Variants in HSD17B4 observed in about 807,000 individuals in gnomAD.
HSD17B4 encodes the protein hydroxysteroid 17-beta dehydrogenase 4.
HSD17B4 carries 70 observed loss-of-function variants against 101.0 expected under a neutral mutation model. That is an observed-to-expected ratio of 0.69 (90% CI 0.57 to 0.85). The LOEUF is 0.85. HSD17B4 is among the 40% of genes least tolerant of loss of function. The pLI, the probability that HSD17B4 is intolerant of heterozygous loss-of-function variation, is 0.00. For missense variants in HSD17B4, 984 were observed against 892.4 expected, an observed-to-expected ratio of 1.10 and a Z score of -1.31; for synonymous variants, 347 against 297.1, an observed-to-expected ratio of 1.17 and a Z score of -1.73.
intron 19 of HSD17B4, among the ~76,000 whole-genome samples, chr5:119,526,787 T>G (rs1045977597): frequency 2.0e-5 from 3 of 151,968 alleles, no homozygotes; most frequent in African/African-American, 7.2e-5. Flanking sequence ...GCCTCATTCC[T>G]TAGACTTAAT....
In HSD17B4 at chr5:119,509,241, C is replaced by A; in HGVS notation, c.1434C>A (p.Val478=). The A allele has an allele frequency of 6.4e-7, 1 of 1,570,358 alleles. No individual in the cohort carries two copies. Among genetic ancestry groups the A allele is most frequent in the South Asian group, 1.1e-5 (1 of 90,220 alleles). ...GTGGAAAACGGACATCAGACAAAGT[C>A]AAGGTAAGCCATGACTTTGTAAGCA... ...GFGGKRTSDK[V]KVAVAIPNRP... is the part of the protein sequence containing the mutation. The change falls in exon 16 of 24, where the codon GTC becomes GTA. Residue 478 remains valine (V), a synonymous_variant. Coordinates refer to ENST00000510025, the MANE Select transcript of HSD17B4 (RefSeq NM_000414.4).
At chr5:119,454,556 T>G (rs749420302) in intron 1 of HSD17B4, among the ~76,000 whole-genome samples, 59 of 152,172 alleles carry the variant, frequency 3.9e-4, no homozygotes, top group Non-Finnish European at 6.2e-4. Context: ...TCCTTCTGCT[T>G]GGATTAAATT....
At chr5:119,477,631 A>C in intron 7 of HSD17B4, 130 bp downstream of exon 7, 1 of 747,946 alleles carries the variant, frequency 1.3e-6, no homozygotes. Flanking sequence ...ACCTTTTAAC[A>C]TATGGTTTTG....
rs1356373821 is a variant in HSD17B4 at position 119,506,667 on chromosome 5, C to T, written c.1262-151C>T. 9.6e-6 allele frequency: 5 copies of T among 521,880 alleles called. No homozygotes were observed. In the African/African-American group the frequency reaches 9.8e-5, roughly 10 times the overall value. The allele number at this position is 521,880 out of a possible 1,614,324, so 32.3% of individuals were successfully genotyped here. The stretch of plus-strand genomic sequence containing the variant: ...AAGCGTTCTTATTTCTCCACATCCT[C>T]TGCAGCATCTGTTGTTCAGGAACAC... On this transcript the variant is annotated intron_variant, in intron 14 of 23. Transcript: ENST00000510025.
chr5:119,471,709 C>CT (rs1561437913), intron 2 of HSD17B4: 1 of 1,385,884 alleles, frequency 7.2e-7, no homozygotes, highest in East Asian at 2.5e-5. Flanking sequence ...AAGTAATTCT[C>CT]TTAAGTTCTG....
chr5:119,497,148 C>G (rs1750720839), intron 12 of HSD17B4, among the ~76,000 whole-genome samples: 1 of 152,118 alleles, frequency 6.6e-6, no homozygotes, highest in Non-Finnish European at 1.5e-5. Context: ...CTGCTGAAAG[C>G]TTATCATGAA....
At chr5:119,483,976 A>G (rs1749377941) in intron 8 of HSD17B4, among the ~76,000 whole-genome samples, 1 of 152,200 alleles carries the variant, frequency 6.6e-6, no homozygotes, top group African/African-American at 2.4e-5. Flanking sequence ...GATCCAAACA[A>G]GGTCCACAGA....
intron 8 of HSD17B4, among the ~76,000 whole-genome samples, chr5:119,484,375 C>T (rs919794746): frequency 2.3e-4 from 35 of 152,218 alleles, no homozygotes; most frequent in Admixed American, 2.3e-3. Flanking sequence ...ATCTGTGTGC[C>T]TGTCCTTTCA....
At position 119,476,477 on chromosome 5, in the gene HSD17B4, CAG is replaced by C. The variant is rs1010791219; in HGVS notation, c.349+610_349+611del. 15 of 754,152 alleles carry C rather than the reference CAG, an allele frequency of 2.0e-5. No individual in the cohort carries two copies. The African/African-American group carries it at 2.5e-4, about 12-fold the overall frequency. The allele number at this position is 754,152 out of a possible 1,614,324, so 46.7% of individuals were successfully genotyped here. ...CTAAAATGAACAGTGGTGGCTGAGACAGAGGGAAGCATGGCAACTGAGGTGAA... is the reference window on the plus strand; with the variant it reads ...CTAAAATGAACAGTGGTGGCTGAGACAGGGAAGCATGGCAACTGAGGTGAA... On this transcript the variant is annotated intron_variant, in intron 6 of 23. Coordinates refer to ENST00000510025, the MANE Select transcript of HSD17B4 (RefSeq NM_000414.4).
rs999477568 is a variant in HSD17B4, at chr5:119,466,652, C to A, written c.113-7256C>A. Among the ~76,000 whole-genome samples, 6 of 151,840 alleles carry A rather than the reference C, an allele frequency of 4.0e-5. No homozygotes were observed. The East Asian group carries it at 9.7e-4, about 24-fold the overall frequency. ...GTATCAGTTGTAAATGCCTTTTTTT[C>A]ATTTCTGATTTTATTTGTGTTTTCT... On this transcript the variant is annotated intron_variant, in intron 2 of 23. Transcript: ENST00000510025.
chr5:119,484,367 C>A (rs1411006440), intron 8 of HSD17B4, among the ~76,000 whole-genome samples: 3 of 152,158 alleles, frequency 2.0e-5, no homozygotes, highest in Non-Finnish European at 4.4e-5. Flanking sequence ...TTCCATTGAT[C>A]TGTGTGCCTG....
Position 119,489,264 on chromosome 5 carries a change from A to G in HSD17B4, c.695A>G (p.Glu232Gly). The change falls in exon 9 of 24, where the codon GAG becomes GGG. Residue 232 changes from glutamate (E) to glycine (G), a missense_variant. Glu to Gly is a moderately conservative substitution (Grantham distance 98). Coordinates refer to ENST00000510025, the MANE Select transcript of HSD17B4 (RefSeq NM_000414.4). ...TGGCTTTGTCACGAGAGTTGTGAGG[A>G]GAATGGTGGCTTGTTTGAGGTATTT... ...VLWLCHESCE[E>G]NGGLFEVGAG... 6.2e-7 allele frequency: 1 copy of G among 1,611,922 alleles called. No homozygotes were observed. The highest frequency in any genetic ancestry group is 8.5e-7 in the Non-Finnish European group (1 of 1,178,316).
At chr5:119,487,897 C>A (rs1169091783) in intron 8 of HSD17B4, among the ~76,000 whole-genome samples, 1 of 151,900 alleles carries the variant, frequency 6.6e-6, no homozygotes, top group Non-Finnish European at 1.5e-5. Context: ...TTTGTTTTTT[C>A]CTCGTGCATA....
intron 18 of HSD17B4, 171 bp from the exon 19 acceptor site, chr5:119,525,746 A>G: frequency 1.8e-6 from 1 of 567,132 alleles, no homozygotes; most frequent in Non-Finnish European, 3.1e-6. Context: ...TTATTTCATA[A>G]TTTCCTCCCA....
chr5:119,492,663 A>C (rs1750219492), intron 10 of HSD17B4: 1 of 152,284 alleles, frequency 6.6e-6, no homozygotes, highest in African/African-American at 2.4e-5. Flanking sequence ...ATTCCGCTTT[A>C]GCCCAATAGT....
rs32662 is a variant in HSD17B4 at position 119,508,791 on chromosome 5, C to T, written c.1334-350C>T. 0.44 allele frequency among the ~76,000 whole-genome samples: 67,299 copies of T among 151,962 alleles called. 15,499 individuals carry two copies. Among genetic ancestry groups the T allele is most frequent in the East Asian group, 0.5 (2,589 of 5,166 alleles). On this transcript the variant is annotated intron_variant, in intron 15 of 23. Coordinates refer to ENST00000510025, the MANE Select transcript of HSD17B4 (RefSeq NM_000414.4). Reference sequence around the variant, plus strand: ...TGCTTTGGCAGAATGTTTGAAAGTTCGAGTGTGGTTACCTGTACTTTCTAG... The same window carrying T: ...TGCTTTGGCAGAATGTTTGAAAGTTTGAGTGTGGTTACCTGTACTTTCTAG...
At position 119,524,628 on chromosome 5, in the gene HSD17B4, C is replaced by T. The variant is rs147899230; in HGVS notation, c.1504-588C>T. On this transcript the variant is annotated intron_variant, in intron 17 of 23. Coordinates refer to ENST00000510025, the MANE Select transcript of HSD17B4 (RefSeq NM_000414.4). ...CCCTATTGTTATCCAGGCCACGCTG[C>T]TAATCCTACTTTATCTAAGTAAACT... is the stretch of plus-strand genomic sequence containing the variant. Among the ~76,000 whole-genome samples, 970 of 152,236 alleles carry T rather than the reference C, an allele frequency of 6.4e-3. 10 individuals are homozygous for T. Among genetic ancestry groups the T allele is most frequent in the Admixed American group, 0.01 (155 of 15,278 alleles).
In HSD17B4 at chr5:119,531,258, G is replaced by A. The variant is rs369600555; in HGVS notation, c.1855-8G>A. On this transcript the variant is annotated splice_region_variant and splice_polypyrimidine_tract_variant and intron_variant, in intron 21 of 23. Coordinates refer to ENST00000510025, the MANE Select transcript of HSD17B4 (RefSeq NM_000414.4). ...AACTTTTAAAGTTTATTTTGTTGTC[G>A]TTGTTAGGGCGGGAAGCTTCAGAGT... is the stretch of plus-strand genomic sequence containing the variant. 109 of 1,613,010 alleles carry A rather than the reference G, an allele frequency of 6.8e-5. No homozygotes were observed. Among genetic ancestry groups the A allele is most frequent in the African/African-American group, 1.3e-4 (10 of 74,930 alleles).
At chr5:119,522,122 TC>T (rs1309071350) in intron 17 of HSD17B4, among the ~76,000 whole-genome samples, 1 of 152,020 alleles carries the variant, frequency 6.6e-6, no homozygotes, top group African/African-American at 2.4e-5. Flanking sequence ...TGTGTGATGT[TC>T]CCCTTCCTGT....
Sources: gnomAD v4.1 joint callset for allele counts (sites outside exome capture counted in the v4.1 genomes callset) on GRCh38, gnomAD v4.1.1 for gene constraint, MANE v1.5 for transcripts, NCBI Gene and HGNC (gene_info 2026-07-23, HGNC 2026-07-21) for gene names.